Variants in CTSC observed in about 807,000 individuals in gnomAD.
The protein encoded by CTSC is cathepsin C, also known as dipeptidyl peptidase 1.
In CTSC, 37 loss-of-function variants were observed where a neutral mutation model predicts 40.9. The ratio of observed to expected loss-of-function variants is 0.91; its 90% CI spans 0.70 to 1.19. The LOEUF (loss-of-function observed/expected upper bound fraction) is 1.19. Ranked by LOEUF, CTSC falls within the 50% of genes most tolerant of loss-of-function variation. The pLI is 0.00. For synonymous variants in CTSC, 232 were observed against 207.4 expected (o/e 1.12, Z -1.02); for missense variants, 594 against 567.3 (o/e 1.05, Z -0.48).
At chr11:88,318,913 A>T (rs1220045049) in intron 2 of CTSC, among the ~76,000 whole-genome samples, 1 of 152,108 alleles carries the variant, frequency 6.6e-6, no homozygotes, top group Non-Finnish European at 1.5e-5. Context: ...CGGCTCAAAA[A>T]TAAATAAATA....
intron 5 of CTSC, chr11:88,296,690 GT>G (rs1944302644): frequency 3.7e-6 from 1 of 273,914 alleles, no homozygotes. Flanking sequence ...TGAGATGAAG[GT>G]TTATGTCCCT....
intron 2 of CTSC, among the ~76,000 whole-genome samples, chr11:88,318,604 T>TC (rs1356729353): frequency 6.6e-6 from 1 of 152,192 alleles, no homozygotes; most frequent in East Asian, 1.9e-4. Flanking sequence ...CATATATATT[T>TC]CTAACATAAA....
In CTSC at chr11:88,337,721, G is replaced by C. The variant is rs779871521; in HGVS notation, c.-49C>G. 20 of 1,547,204 alleles carry C rather than the reference G, an allele frequency of 1.3e-5. No individual in the cohort carries two copies. The East Asian group carries it at 1.5e-4, about 11-fold the overall frequency. ...GTGAAGAATTACCAGGAAGCCGAGC[G>C]CTGCGGGCTAGCGGTGAGTCCACCA... On this transcript the variant is annotated 5_prime_UTR_variant, in exon 1 of 7. Coordinates refer to ENST00000227266, the MANE Select transcript of CTSC (RefSeq NM_001814.6).
In CTSC at chr11:88,317,246, C is replaced by G. The variant is rs187143286; in HGVS notation, c.319-4692G>C. On this transcript the variant is annotated intron_variant, in intron 2 of 6. Coordinates refer to ENST00000227266, the MANE Select transcript of CTSC (RefSeq NM_001814.6). ...CCTCCCAAAGTGCTGGGATTACAGG[C>G]ATGATCCACCACGGCCAGCCTTCTT... Among the ~76,000 whole-genome samples, 787 of 152,316 alleles carry G rather than the reference C, an allele frequency of 5.2e-3. 4 individuals are homozygous for G. The highest frequency in any genetic ancestry group is 0.017 in the African/African-American group (721 of 41,580).
chr11:88,309,814 GCACACA>G (rs71470765), intron 3 of CTSC, among the ~76,000 whole-genome samples: 38,168 of 118,824 alleles, frequency 0.32, 5,504 homozygotes, highest in Non-Finnish European at 0.39. Flanking sequence ...ATGTATGCGC[GCACACA>G]CACACACACA....
chr11:88,300,689 T>C (rs1944350234), intron 4 of CTSC, 44 bp from the exon 5 acceptor site: 1 of 1,199,898 alleles, frequency 8.3e-7, no homozygotes, highest in African/African-American at 1.5e-5. Context: ...TAATCTTTCC[T>C]TTGAGGATGA....
At chr11:88,302,052 AC>A (rs1255829812) in intron 4 of CTSC, among the ~76,000 whole-genome samples, 1 of 151,850 alleles carries the variant, frequency 6.6e-6, no homozygotes. Flanking sequence ...GCGAAAACTC[AC>A]TTCCTCTCTC....
chr11:88,335,684 A>T (rs955105549), intron 1 of CTSC, among the ~76,000 whole-genome samples: 3 of 152,212 alleles, frequency 2.0e-5, no homozygotes, highest in African/African-American at 7.2e-5. Context: ...CCACTGAACA[A>T]AAGGAGAAAT....
intron 2 of CTSC, chr11:88,322,136 C>G (rs997025244): frequency 3.3e-5 from 5 of 152,128 alleles, no homozygotes; most frequent in African/African-American, 1.2e-4. Context: ...CTTGTAGATT[C>G]TGGATGTTAG....
chr11:88,310,453 T>C (rs7927060), intron 3 of CTSC, among the ~76,000 whole-genome samples: 46,957 of 140,310 alleles, frequency 0.33, 8,219 homozygotes, highest in Non-Finnish European at 0.46. Flanking sequence ...TGACTCACTA[T>C]CTAAGACTTC....
chr11:88,312,985 G>A (rs188643590), intron 2 of CTSC, among the ~76,000 whole-genome samples: 2 of 152,282 alleles, frequency 1.3e-5, no homozygotes, highest in Admixed American at 1.3e-4. Context: ...CAGGCGAAGT[G>A]GCAGAAACAG....
At chr11:88,337,428 G>T (rs1362965755) in intron 1 of CTSC, 73 bp downstream of exon 1, 1 of 1,452,482 alleles carries the variant, frequency 6.9e-7, no homozygotes, top group Non-Finnish European at 9.4e-7. Flanking sequence ...GGAAGCGGTA[G>T]TTGGCGTGGC....
rs1441093950 is a variant in CTSC, at chr11:88,293,932, G to C, written c.*74C>G. 9 of 1,499,570 alleles carry C rather than the reference G, an allele frequency of 6.0e-6. No individual in the cohort carries two copies. The highest frequency in any genetic ancestry group is 8.3e-6 in the Non-Finnish European group (9 of 1,083,468). The allele number at this position is 1,499,570 out of a possible 1,614,324, so 92.9% of individuals were successfully genotyped here. A position where few individuals can be genotyped will look rare whatever the true frequency, so the allele number is the denominator to read the frequency against. ...TAAGCTTCTGAGATTGCTGCTGAAAGTCTACAGTCTGTGAATATACCAATT... is the reference window on the plus strand; with the variant it reads ...TAAGCTTCTGAGATTGCTGCTGAAACTCTACAGTCTGTGAATATACCAATT... On this transcript the variant is annotated 3_prime_UTR_variant, in exon 7 of 7. Coordinates refer to ENST00000227266, the MANE Select transcript of CTSC (RefSeq NM_001814.6).
intron 2 of CTSC, chr11:88,328,047 A>G: frequency 3.0e-6 from 3 of 993,690 alleles, no homozygotes; most frequent in Non-Finnish European, 3.3e-6. Flanking sequence ...AATTTGCATA[A>G]GCCATCAGGA....
At chr11:88,298,407 G>C (rs1288412317) in intron 5 of CTSC, 1 of 152,090 alleles carries the variant, frequency 6.6e-6, no homozygotes, top group African/African-American at 2.4e-5. Context: ...CAAGTGTAAA[G>C]GTAAAACCTC....
Position 88,309,311 on chromosome 11 carries a change from T to C in CTSC, c.493A>G (p.Asn165Asp). Residue 165 changes from asparagine (N) to aspartate (D), a missense_variant, in exon 4 of 7, where the codon AAT becomes GAT. Coordinates refer to ENST00000227266, the MANE Select transcript of CTSC (RefSeq NM_001814.6). ...TTGTGATCATACTTGTAGAGCCTATTAGAATACCTGTCCCCAAAAATGAGA... is the reference window on the plus strand; with the variant it reads ...TTGTGATCATACTTGTAGAGCCTATCAGAATACCTGTCCCCAAAAATGAGA... ...HLKNSQEKYS[N>D]RLYKYDHNFV... 2.5e-6 allele frequency: 4 copies of C among 1,613,340 alleles called. No individual in the cohort carries two copies. The highest frequency in any genetic ancestry group is 1.1e-5 in the South Asian group (1 of 91,080).
intron 2 of CTSC, among the ~76,000 whole-genome samples, chr11:88,314,075 A>G (rs1937825032): frequency 6.6e-6 from 1 of 151,986 alleles, no homozygotes; most frequent in Non-Finnish European, 1.5e-5. Flanking sequence ...TAGTTTGTGG[A>G]CTCCTGCTCT....
intron 3 of CTSC, among the ~76,000 whole-genome samples, chr11:88,310,431 G>C (rs914590205): frequency 7.3e-5 from 11 of 151,542 alleles, no homozygotes; most frequent in African/African-American, 2.7e-4. Flanking sequence ...AAAAGAGTCT[G>C]TGGTTTCAGA....
chr11:88,301,400 C>T (rs1313532531), intron 4 of CTSC, among the ~76,000 whole-genome samples: 2 of 152,160 alleles, frequency 1.3e-5, no homozygotes, highest in Non-Finnish European at 2.9e-5. Context: ...GGTATTGAAA[C>T]CCCAGAAAAT....
Sources: allele counts gnomAD v4.1 joint callset (sites outside exome capture counted in the v4.1 genomes callset), GRCh38; gene constraint gnomAD v4.1.1; transcripts MANE v1.5; gene names NCBI Gene and HGNC (gene_info 2026-07-23, HGNC 2026-07-21).